Variants in KCNK2 observed in about 807,000 individuals in gnomAD.
The protein encoded by KCNK2 is potassium channel subfamily K member 2.
A neutral mutation model predicts 40.5 loss-of-function variants in KCNK2; 21 were observed. The observed-to-expected ratio is 0.52, with a 90% CI of 0.37 to 0.75. The LOEUF (loss-of-function observed/expected upper bound fraction) is 0.75. KCNK2 is among the 30% of genes least tolerant of loss of function. The pLI, the probability that KCNK2 is intolerant of heterozygous loss-of-function variation, is 0.00. For missense variants in KCNK2, 399 were observed against 531.6 expected (o/e 0.75, Z 2.45); for synonymous variants, 191 against 202.2 (o/e 0.94, Z 0.47).
chr1:215,159,604 T>A (rs1376292171), intron 3 of KCNK2, among the ~76,000 whole-genome samples: 5 of 152,214 alleles, frequency 3.3e-5, no homozygotes, highest in African/African-American at 7.2e-5. Flanking sequence ...ATTATCATCT[T>A]ATTTACTATC....
intron 2 of KCNK2, among the ~76,000 whole-genome samples, chr1:215,115,393 C>T (rs1018076536): frequency 1.3e-5 from 2 of 152,096 alleles, no homozygotes; most frequent in African/African-American, 4.8e-5. Flanking sequence ...AGAAAAACAT[C>T]CTTTTTCACA....
At chr1:215,183,938 A>G (rs1416150031) in intron 5 of KCNK2, among the ~76,000 whole-genome samples, 1 of 152,188 alleles carries the variant, frequency 6.6e-6, no homozygotes, top group Non-Finnish European at 1.5e-5. Context: ...GTTCAACCAG[A>G]CAAAGCCACT....
intron 3 of KCNK2, among the ~76,000 whole-genome samples, chr1:215,167,870 T>C (rs1571688340): frequency 6.6e-6 from 1 of 151,884 alleles, no homozygotes; most frequent in East Asian, 1.9e-4. Flanking sequence ...CATTGAAAAA[T>C]GGAGTATAAT....
chr1:215,007,033 A>ATGTGTGTG lies in KCNK2; in HGVS notation c.34+1079_34+1080insGTGTGTGT, dbSNP rs1408452470. On this transcript the variant is annotated intron_variant, in intron 1 of 6. Coordinates refer to the KCNK2 transcript ENST00000391895. ...TATATATATATATATATATATATATATATATGTGTGTGTGTGTATATATAT... is the reference window on the plus strand; with the variant it reads ...TATATATATATATATATATATATATATGTGTGTGTATATGTGTGTGTGTGTATATATAT... Among the ~76,000 whole-genome samples, 36 of 60,320 alleles carry ATGTGTGTG rather than the reference A, an allele frequency of 6.0e-4. 1 individual carries two copies. The highest frequency in any genetic ancestry group is 2.2e-3 in the African/African-American group (33 of 15,010). 39.6% of individuals were successfully genotyped at this position (60,320 alleles called of 152,430 possible).
At chr1:215,039,630 T>C (rs1186666915) in intron 1 of KCNK2, among the ~76,000 whole-genome samples, 1 of 152,142 alleles carries the variant, frequency 6.6e-6, no homozygotes, top group Non-Finnish European at 1.5e-5. Flanking sequence ...GACTTCAGAA[T>C]ACCATTAACA....
intron 6 of KCNK2, among the ~76,000 whole-genome samples, chr1:215,229,207 CT>C (rs201225142): frequency 0.25 from 32,435 of 129,756 alleles, 3,363 homozygotes; most frequent in South Asian, 0.46. Flanking sequence ...GATTGTTTTT[CT>C]TTTTTTTTTT....
chr1:215,179,744 T>A (rs958698472), intron 5 of KCNK2, among the ~76,000 whole-genome samples: 4 of 152,116 alleles, frequency 2.6e-5, no homozygotes, highest in Non-Finnish European at 5.9e-5. Flanking sequence ...ATGCTTTTAA[T>A]TTTTTTAAAT....
chr1:215,141,813 A>G (rs1224336807), intron 3 of KCNK2, among the ~76,000 whole-genome samples: 2 of 152,024 alleles, frequency 1.3e-5, no homozygotes, highest in Non-Finnish European at 2.9e-5. Context: ...ATTTTTTAAG[A>G]GATTTTTTAA....
intron 5 of KCNK2, among the ~76,000 whole-genome samples, chr1:215,178,596 T>C (rs941902216): frequency 1.3e-5 from 2 of 152,208 alleles, no homozygotes; most frequent in African/African-American, 4.8e-5. Context: ...AAAAGCTTTT[T>C]CCACATCTAT....
intron 2 of KCNK2, among the ~76,000 whole-genome samples, chr1:215,115,965 T>C (rs1210531402): frequency 2.6e-5 from 4 of 151,560 alleles, no homozygotes; most frequent in East Asian, 1.9e-4. Flanking sequence ...GTTTTTTTTT[T>C]TTTTTTTCTA....
At chr1:215,224,645 G>C (rs1005419911) in intron 6 of KCNK2, among the ~76,000 whole-genome samples, 1 of 152,084 alleles carries the variant, frequency 6.6e-6, no homozygotes. Flanking sequence ...ATGACCTGGA[G>C]TAGAGCTAGA....
At chr1:215,056,615 C>CT (rs34925678) in intron 1 of KCNK2, among the ~76,000 whole-genome samples, 89,722 of 103,864 alleles carry the variant, frequency 0.86, 39,821 homozygotes, top group East Asian at 0.95. Flanking sequence ...TGTGTCCACT[C>CT]TTTTTTTTTT....
intron 2 of KCNK2, among the ~76,000 whole-genome samples, chr1:215,102,234 G>C (rs1660254280): frequency 6.6e-6 from 1 of 151,940 alleles, no homozygotes; most frequent in Non-Finnish European, 1.5e-5. Flanking sequence ...GCTTCCAGTG[G>C]GACAAGATGT....
intron 1 of KCNK2, among the ~76,000 whole-genome samples, chr1:215,007,193 A>G (rs12564532): frequency 0.016 from 608 of 38,532 alleles, 31 homozygotes; most frequent in African/African-American, 0.063. Context: ...GGGTATATAT[A>G]TATATATATA....
chr1:215,056,864 G>A (rs916470434), intron 1 of KCNK2, among the ~76,000 whole-genome samples: 2 of 152,022 alleles, frequency 1.3e-5, no homozygotes, highest in African/African-American at 4.8e-5. Flanking sequence ...AAGCTGAACT[G>A]CTTTATAGAT....
intron 3 of KCNK2, among the ~76,000 whole-genome samples, chr1:215,146,298 T>A (rs553857158): frequency 5.4e-4 from 83 of 152,294 alleles, no homozygotes; most frequent in African/African-American, 1.6e-3. Flanking sequence ...GTTATATGAA[T>A]GTATCTTGCT....
At chr1:215,134,291 C>T (rs1180166638) in intron 3 of KCNK2, among the ~76,000 whole-genome samples, 3 of 152,106 alleles carry the variant, frequency 2.0e-5, no homozygotes, top group Non-Finnish European at 4.4e-5. Flanking sequence ...GGCTCAGTCC[C>T]GCAAGACTGT....
intron 3 of KCNK2, among the ~76,000 whole-genome samples, chr1:215,157,131 G>A (rs556147336): frequency 2.0e-5 from 3 of 152,206 alleles, no homozygotes; most frequent in African/African-American, 7.2e-5. Context: ...GATGAGATTT[G>A]GGTGGGGACA....
intron 1 of KCNK2, among the ~76,000 whole-genome samples, chr1:215,019,934 T>C (rs1197019380): frequency 2.1e-5 from 3 of 139,992 alleles, no homozygotes; most frequent in East Asian, 4.2e-4. Flanking sequence ...AGAGGGTACA[T>C]GAGCAGAGGG....
Sources: allele counts gnomAD v4.1 joint callset (sites outside exome capture counted in the v4.1 genomes callset), GRCh38; gene constraint gnomAD v4.1.1; transcripts MANE v1.5; gene names NCBI Gene and HGNC (gene_info 2026-07-23, HGNC 2026-07-21).